Variants in NFATC1 observed in about 807,000 individuals in gnomAD.
NFATC1 encodes nuclear factor of activated T cells 1, also known as nuclear factor of activated T-cells, cytoplasmic 1.
NFATC1 carries 22 observed loss-of-function variants against 76.0 expected under a neutral mutation model. That is an observed-to-expected ratio of 0.29 (90% CI 0.21 to 0.41). The LOEUF is 0.41. Ranked by LOEUF, NFATC1 falls within the 10% of genes least tolerant of loss-of-function variation. The pLI is 1.00. For synonymous variants in NFATC1, 704 were observed against 613.1 expected (o/e 1.15, Z -2.19); for missense variants, 1,357 against 1,337.7 (o/e 1.01, Z -0.23).
chr18:79,426,100 C>T (rs2086318644), intron 2 of NFATC1, among the ~76,000 whole-genome samples: 1 of 152,146 alleles, frequency 6.6e-6, no homozygotes, highest in Non-Finnish European at 1.5e-5. Context: ...GTCCCAGCTG[C>T]TCGGGAGGCT....
intron 6 of NFATC1, among the ~76,000 whole-genome samples, chr18:79,453,613 C>T (rs2087566119): frequency 1.3e-5 from 2 of 152,174 alleles, no homozygotes; most frequent in South Asian, 2.1e-4. Context: ...TTTGTCTGCC[C>T]ATGTCCTCCT....
intron 2 of NFATC1, chr18:79,422,447 G>A (rs528782043): frequency 6.6e-6 from 1 of 152,300 alleles, no homozygotes; most frequent in African/African-American, 2.4e-5. Context: ...GTGAACTTGG[G>A]GATGAGTGGG....
chr18:79,481,649 AAGG>A (rs1323180422), intron 8 of NFATC1, among the ~76,000 whole-genome samples: 8 of 152,236 alleles, frequency 5.3e-5, no homozygotes, highest in African/African-American at 1.9e-4. Context: ...AGCCCGAACT[AAGG>A]AGAATGTGCG....
chr18:79,410,378 C>G lies in NFATC1; in HGVS notation c.128-25C>G, dbSNP rs748391165. On this transcript the variant is annotated intron_variant, in intron 1 of 9. Transcript: ENST00000427363. The surrounding 1 kb of genome is among the most constrained non-coding windows in gnomAD (Gnocchi z 6.7). ...TTTGTGATGCCCAGCCCCTCATGCT[C>G]CCATCTGCTTCTTTTTCTCTCTAGA... 2.4e-5 allele frequency: 38 copies of G among 1,580,368 alleles called. No homozygotes were observed. In the South Asian group the frequency reaches 4.2e-4, roughly 17 times the overall value.
intron 2 of NFATC1, among the ~76,000 whole-genome samples, chr18:79,423,086 G>A (rs779645999): frequency 1.3e-5 from 2 of 151,666 alleles, no homozygotes; most frequent in African/African-American, 4.8e-5. Flanking sequence ...AGATACAGGG[G>A]TGGACCTGGG....
intron 9 of NFATC1, among the ~76,000 whole-genome samples, chr18:79,487,580 A>C (rs935831211): frequency 1.6e-4 from 24 of 152,208 alleles, no homozygotes; most frequent in African/African-American, 5.8e-4. Flanking sequence ...TTGTTAGGGA[A>C]GGAAGTGGCC....
chr18:79,467,586 A>G lies in NFATC1; in HGVS notation c.2092+4A>G, dbSNP rs757009643. ...TTCACCTACCTTCCCGCCAACGGTA[A>G]CGCCATCTTTCTAACCGTAAGCCGT... On this transcript the variant is annotated splice_donor_region_variant and intron_variant, in intron 8 of 9. Transcript: ENST00000427363. 1 of 1,613,868 alleles carries G rather than the reference A, an allele frequency of 6.2e-7. No individual in the cohort carries two copies. The highest frequency in any genetic ancestry group is 8.5e-7 in the Non-Finnish European group (1 of 1,179,936).
chr18:79,514,742 C>T (rs992168432), intron 9 of NFATC1, among the ~76,000 whole-genome samples: 1 of 151,964 alleles, frequency 6.6e-6, no homozygotes, highest in South Asian at 2.1e-4. Context: ...TTGAAAGTCA[C>T]ATTTTAGTAA....
At chr18:79,476,654 G>A (rs1415051087) in intron 8 of NFATC1, among the ~76,000 whole-genome samples, 2 of 152,096 alleles carry the variant, frequency 1.3e-5, no homozygotes, top group Non-Finnish European at 2.9e-5. Context: ...GCTCGGGGTC[G>A]ACGTGATAAA....
rs371482890 is a variant in NFATC1 at position 79,524,766 on chromosome 18, C to T, written c.2783-2762C>T. Among the ~76,000 whole-genome samples the T allele has an allele frequency of 8.5e-5, 13 of 152,156 alleles. No homozygotes were observed. The East Asian group carries it at 9.7e-4, about 11-fold the overall frequency. On this transcript the variant is annotated intron_variant, in intron 9 of 9. Coordinates refer to ENST00000427363, the MANE Select transcript of NFATC1 (RefSeq NM_001278669.2). This position sits in a 1 kb window ranked among gnomAD's most constrained non-coding sequence, Gnocchi z 7.2. Reference sequence around the variant, plus strand: ...CCGGGGGACACACCGAGGAACTTTCCGCCCCCCGACGGGCTCTCCCACCGA... The same window carrying T: ...CCGGGGGACACACCGAGGAACTTTCTGCCCCCCGACGGGCTCTCCCACCGA...
intron 2 of NFATC1, among the ~76,000 whole-genome samples, chr18:79,412,450 T>TC (rs1239824662): frequency 1.3e-5 from 2 of 149,914 alleles, no homozygotes; most frequent in African/African-American, 4.9e-5. Flanking sequence ...TTTTTTTTTT[T>TC]CGTCCCTCCC....
chr18:79,442,820 C>T (rs950172148), intron 3 of NFATC1, among the ~76,000 whole-genome samples: 1 of 152,168 alleles, frequency 6.6e-6, no homozygotes, highest in African/African-American at 2.4e-5. Context: ...ATCAAGAAAC[C>T]CGAGTTTCTC....
chr18:79,473,348 G>A (rs113082087), intron 8 of NFATC1, among the ~76,000 whole-genome samples: 1 of 152,288 alleles, frequency 6.6e-6, no homozygotes, highest in African/African-American at 2.4e-5. Flanking sequence ...CTCTTCAGAC[G>A]GCAAGTGAGA....
At chr18:79,427,677 G>GGA (rs1186129505) in intron 2 of NFATC1, among the ~76,000 whole-genome samples, 1 of 100,036 alleles carries the variant, frequency 1.0e-5, no homozygotes, top group African/African-American at 4.5e-5. Context: ...GTGGTGTGGG[G>GGA]GCTGGATGGC....
intron 8 of NFATC1, among the ~76,000 whole-genome samples, chr18:79,482,781 C>T (rs544294080): frequency 7.9e-6 from 1 of 126,516 alleles, no homozygotes; most frequent in Non-Finnish European, 1.6e-5. Context: ...GTAATTCCAG[C>T]GTGACCTGGT....
At chr18:79,459,493 C>T (rs1459804269) in intron 6 of NFATC1, among the ~76,000 whole-genome samples, 4 of 152,174 alleles carry the variant, frequency 2.6e-5, no homozygotes, top group Admixed American at 6.5e-5. Context: ...TGTCATTAAA[C>T]GCGACATCCT....
intron 1 of NFATC1, among the ~76,000 whole-genome samples, 178 bp downstream of exon 1, chr18:79,396,529 CA>C (rs1205956322): frequency 6.6e-6 from 1 of 152,064 alleles, no homozygotes; most frequent in Non-Finnish European, 1.5e-5. Context: ...CCCCAGCTCC[CA>C]GCAGCCCGGT....
chr18:79,462,215 T>C (rs557129060), intron 7 of NFATC1, among the ~76,000 whole-genome samples: 2 of 152,366 alleles, frequency 1.3e-5, no homozygotes, highest in East Asian at 3.9e-4. Context: ...TTCTGATCCA[T>C]GTGCTCATGT....
intron 2 of NFATC1, among the ~76,000 whole-genome samples, chr18:79,419,146 G>C (rs903207243): frequency 2.0e-5 from 3 of 152,122 alleles, no homozygotes; most frequent in Admixed American, 6.5e-5. Flanking sequence ...ACCTCAGCCT[G>C]CCGAGTAGCT....
Sources: allele counts gnomAD v4.1 joint callset (sites outside exome capture counted in the v4.1 genomes callset), GRCh38; gene constraint gnomAD v4.1.1; non-coding constraint Gnocchi (gnomAD v3.1); transcripts MANE v1.5; gene names NCBI Gene and HGNC (gene_info 2026-07-23, HGNC 2026-07-21).